UNC13C: variants seen among roughly 807,000 people sequenced by gnomAD.
The protein encoded by UNC13C is protein unc-13 homolog C.
UNC13C carries 174 observed loss-of-function variants against 245.4 expected under a neutral mutation model. The observed-to-expected ratio is 0.71, with a 90% CI of 0.63 to 0.80. The LOEUF is 0.80. Among genes scored for constraint, UNC13C ranks in the 30% least tolerant of loss-of-function variants. The pLI, the probability that UNC13C is intolerant of heterozygous loss-of-function variation, is 0.00. For synonymous variants in UNC13C, 992 were observed against 895.1 expected (o/e 1.11, Z -1.93); for missense variants, 2,829 against 2,602.9 (o/e 1.09, Z -1.89).
chr15:54,440,027 C>A (rs1033028661), intron 19 of UNC13C, among the ~76,000 whole-genome samples: 1 of 151,936 alleles, frequency 6.6e-6, no homozygotes, highest in South Asian at 2.1e-4. Context: ...AAATTGCAAT[C>A]CCCATAATGT....
rs367787720 is a variant in UNC13C at position 54,542,677 on chromosome 15, G to T, written c.5697-4045G>T. Among the ~76,000 whole-genome samples, 54 of 152,190 alleles carry T rather than the reference G, an allele frequency of 3.5e-4. No individual in the cohort carries two copies. In the South Asian group the frequency reaches 4.8e-3, roughly 13 times the overall value. On this transcript the variant is annotated intron_variant, in intron 26 of 32. Coordinates refer to ENST00000260323, the MANE Select transcript of UNC13C (RefSeq NM_001080534.3). Reference sequence around the variant, plus strand: ...CTAAGAACTTGCTTTATGAATCTGGGTGCTCCTGTATTGCGTGCATATATA... The same window carrying T: ...CTAAGAACTTGCTTTATGAATCTGGTTGCTCCTGTATTGCGTGCATATATA...
At chr15:54,554,169 C>T (rs557884894) in intron 28 of UNC13C, among the ~76,000 whole-genome samples, 1 of 152,084 alleles carries the variant, frequency 6.6e-6, no homozygotes, top group African/African-American at 2.4e-5. Flanking sequence ...CAAAAATTTA[C>T]TGAGTGCCTA....
intron 4 of UNC13C, among the ~76,000 whole-genome samples, chr15:54,158,528 C>T (rs907596571): frequency 2.0e-5 from 3 of 152,244 alleles, no homozygotes. Flanking sequence ...ACTATGTTAG[C>T]TAGGATGGTC....
the UNC13C span, among the ~76,000 whole-genome samples, chr15:53,876,947 T>A: frequency 6.6e-6 from 1 of 152,106 alleles, no homozygotes. Flanking sequence ...GCCAAGAGAG[T>A]AAATCACGGC....
At chr15:54,486,577 A>G (rs982989523) in intron 19 of UNC13C, among the ~76,000 whole-genome samples, 3 of 152,244 alleles carry the variant, frequency 2.0e-5, no homozygotes, top group African/African-American at 4.8e-5. Flanking sequence ...TCTCACAGAT[A>G]TACTTTGTAC....
chr15:54,596,855 A>G (rs1392164272), intron 30 of UNC13C, among the ~76,000 whole-genome samples: 1 of 152,166 alleles, frequency 6.6e-6, no homozygotes, highest in Non-Finnish European at 1.5e-5. Flanking sequence ...AAAAACTCCC[A>G]GAGGTCTCAC....
At chr15:54,276,109 T>C (rs1028841562) in intron 10 of UNC13C, among the ~76,000 whole-genome samples, 5 of 152,040 alleles carry the variant, frequency 3.3e-5, no homozygotes, top group African/African-American at 1.2e-4. Context: ...ATCAGATCAG[T>C]GTTTTCCTGG....
intron 24 of UNC13C, among the ~76,000 whole-genome samples, chr15:54,519,147 CT>C (rs202033628): frequency 6.6e-6 from 1 of 151,064 alleles, no homozygotes; most frequent in South Asian, 2.1e-4. Context: ...TTCAGAAATT[CT>C]TTTTTTTTCT....
intron 19 of UNC13C, among the ~76,000 whole-genome samples, chr15:54,493,310 A>G (rs1342083964): frequency 6.6e-6 from 1 of 152,154 alleles, no homozygotes; most frequent in Non-Finnish European, 1.5e-5. Flanking sequence ...AGTTTGGCCT[A>G]GAAGTATTAG....
At chr15:54,610,060 G>A (rs534440742) in intron 30 of UNC13C, among the ~76,000 whole-genome samples, 192 of 152,228 alleles carry the variant, frequency 1.3e-3, no homozygotes, top group African/African-American at 4.5e-3. Context: ...CGCAATTCAA[G>A]ATGAGATTTG....
chr15:53,869,183 G>A, the UNC13C span, among the ~76,000 whole-genome samples: 2 of 152,136 alleles, frequency 1.3e-5, no homozygotes. Context: ...TCATGATCTG[G>A]GATTTGAAGA....
chr15:54,042,745 C>T (rs752618738), intron 2 of UNC13C, among the ~76,000 whole-genome samples: 6 of 151,942 alleles, frequency 3.9e-5, no homozygotes, highest in Admixed American at 6.6e-5. Context: ...ACCAGCTACT[C>T]GGGAGGCTGA....
the UNC13C span, among the ~76,000 whole-genome samples, chr15:53,973,193 T>C: frequency 2.6e-5 from 4 of 152,070 alleles, no homozygotes; most frequent in African/African-American, 9.7e-5. Context: ...TAAAACTTAT[T>C]AAGAATTTTA....
At chr15:54,111,105 A>G (rs1025108860) in intron 2 of UNC13C, among the ~76,000 whole-genome samples, 4 of 152,192 alleles carry the variant, frequency 2.6e-5, no homozygotes, top group East Asian at 3.9e-4. Context: ...CAGAATTGCT[A>G]TGTTGGTAAA....
chr15:54,600,070 A>G (rs1899325894), intron 30 of UNC13C, among the ~76,000 whole-genome samples: 1 of 152,054 alleles, frequency 6.6e-6, no homozygotes, highest in Non-Finnish European at 1.5e-5. Context: ...CTCTTATATG[A>G]CCAGGTAATT....
At chr15:54,086,177 A>G (rs981099654) in intron 2 of UNC13C, among the ~76,000 whole-genome samples, 11 of 152,192 alleles carry the variant, frequency 7.2e-5, no homozygotes, top group African/African-American at 2.7e-4. Context: ...TGGTCTATCT[A>G]GCTGTAACAG....
intron 30 of UNC13C, among the ~76,000 whole-genome samples, chr15:54,578,102 T>G (rs1400907211): frequency 6.6e-6 from 1 of 152,216 alleles, no homozygotes; most frequent in Non-Finnish European, 1.5e-5. Flanking sequence ...CAGCATTTTA[T>G]CTTTTCTGGA....
the UNC13C span, among the ~76,000 whole-genome samples, chr15:53,871,326 G>A: frequency 6.6e-6 from 1 of 152,070 alleles, no homozygotes; most frequent in African/African-American, 2.4e-5. Flanking sequence ...TTTTGCCTAT[G>A]TAATATTTTA....
chr15:54,604,967 T>G (rs993015376), intron 30 of UNC13C, among the ~76,000 whole-genome samples: 1 of 152,094 alleles, frequency 6.6e-6, no homozygotes, highest in Non-Finnish European at 1.5e-5. Flanking sequence ...AAAGTACAAC[T>G]GGGGGAAAAA....
Sources: gnomAD v4.1 joint callset for allele counts (sites outside exome capture counted in the v4.1 genomes callset) on GRCh38, gnomAD v4.1.1 for gene constraint, MANE v1.5 for transcripts, NCBI Gene and HGNC (gene_info 2026-07-23, HGNC 2026-07-21) for gene names.